Variants in PSMC1 observed in about 807,000 individuals in gnomAD.
PSMC1 encodes proteasome 26S subunit, ATPase 1, also known as 26S proteasome regulatory subunit 4.
In PSMC1, 5 loss-of-function variants were observed where a neutral mutation model predicts 49.8. The observed-to-expected ratio is 0.10, with a 90% CI of 0.05 to 0.21. PSMC1 has a LOEUF of 0.21. Ranked by LOEUF, PSMC1 falls within the 10% of genes least tolerant of loss-of-function variation. The probability of loss-of-function intolerance (pLI) is 1.00; values close to 1 mark genes in which losing one functional copy is unlikely to be tolerated. For synonymous variants in PSMC1, 155 were observed against 192.1 expected (o/e 0.81, Z 1.60); for missense variants, 181 against 535.7 (o/e 0.34, Z 6.54).
intron 7 of PSMC1, among the ~76,000 whole-genome samples, chr14:90,265,380 CCT>C (rs1197214188): frequency 2.0e-5 from 3 of 151,854 alleles, no homozygotes; most frequent in Admixed American, 1.3e-4. Context: ...TTGGTGAAAC[CCT>C]GTCTCTATAA....
intron 3 of PSMC1, 79 bp from the exon 4 acceptor site, chr14:90,263,239 A>T: frequency 4.9e-6 from 7 of 1,432,516 alleles, no homozygotes; most frequent in East Asian, 4.9e-5. Context: ...AAATGAGCGT[A>T]TTTTAAAATC....
Position 90,256,795 on chromosome 14 carries a change from G to A in PSMC1, c.3+195G>A, listed in dbSNP as rs1448390256. On this transcript the variant is annotated intron_variant, in intron 1 of 10. Coordinates refer to ENST00000261303, the MANE Select transcript of PSMC1 (RefSeq NM_002802.3). ...ACCGCGGGCCGGGGCCGACCAACGG[G>A]CCTTGCCCGGGGATCCTGGGGCCGG... Among the ~76,000 whole-genome samples, 11 of 152,214 alleles carry A rather than the reference G, an allele frequency of 7.2e-5. No homozygotes were observed. The East Asian group carries it at 2.1e-3, about 29-fold the overall frequency.
intron 7 of PSMC1, 55 bp from the exon 8 acceptor site, chr14:90,268,169 G>C: frequency 7.0e-7 from 1 of 1,427,924 alleles, no homozygotes; most frequent in Non-Finnish European, 9.3e-7. Flanking sequence ...GAGTTTTTAA[G>C]TTAAAATGGC....
At chr14:90,258,749 C>G (rs531058682) in intron 1 of PSMC1, among the ~76,000 whole-genome samples, 3 of 152,158 alleles carry the variant, frequency 2.0e-5, no homozygotes, top group Non-Finnish European at 4.4e-5. Context: ...TGTAAAATGA[C>G]GTAGCTTTCA....
At chr14:90,262,037 G>A (rs35401822) in intron 3 of PSMC1, among the ~76,000 whole-genome samples, 82,959 of 150,794 alleles carry the variant, frequency 0.55, 23,476 homozygotes, top group Middle Eastern at 0.72. Context: ...TTCTGAGCAA[G>A]CTATTGTAAG....
At position 90,268,333 on chromosome 14, in the gene PSMC1, A is replaced by G. The variant is rs1343954608; in HGVS notation, c.801A>G (p.Val267=). 1 of 1,613,580 alleles carries G rather than the reference A, an allele frequency of 6.2e-7. No homozygotes were observed. Among genetic ancestry groups the G allele is most frequent in the Admixed American group, 1.7e-5 (1 of 60,010 alleles). The change falls in exon 8 of 11, where the codon GTA becomes GTG. Residue 267 remains valine, a synonymous_variant. Coordinates refer to ENST00000261303, the MANE Select transcript of PSMC1 (RefSeq NM_002802.3). ...QKYLGDGPKL[V]RELFRVAEEH... ...ACCTAGGTGATGGGCCCAAACTCGT[A>G]CGGGAATTGTTCCGAGTTGCTGAAG...
Position 90,270,220 on chromosome 14 carries a change from G to A in PSMC1, c.1056G>A (p.Glu352=), listed in dbSNP as rs933216440. The A allele has an allele frequency of 1.4e-5, 22 of 1,613,600 alleles. No individual in the cohort carries two copies. Among genetic ancestry groups the A allele is most frequent in the East Asian group, 2.2e-5 (1 of 44,864 alleles). Residue 352 remains glutamate, a synonymous_variant, in exon 10 of 11, where the codon GAG becomes GAA. Transcript: ENST00000261303. The stretch of plus-strand genomic sequence containing the variant: ...CAGGCCGCATTGACAGGAAGATTGA[G>A]TTCCCCCTGCCTGATGAAAAGACGA... ...IRPGRIDRKI[E]FPLPDEKTKK...
In PSMC1 at chr14:90,274,608, T is replaced by G. The variant is rs112062746; in HGVS notation, c.*2201T>G. On this transcript the variant is annotated 3_prime_UTR_variant, in exon 11 of 11. Coordinates refer to ENST00000261303, the MANE Select transcript of PSMC1 (RefSeq NM_002802.3). ...GGGGCTAGGCAGGGAAAGGACAGGA[T>G]GAACCCAAAGTCTGTTTTGCCAGAA... is the stretch of plus-strand genomic sequence containing the variant. 6.8e-3 allele frequency: 1,033 copies of G among 152,252 alleles called. 11 individuals are homozygous for G. The highest frequency in any genetic ancestry group is 6.7e-3 in the Non-Finnish European group (454 of 68,094). The allele number at this position is 152,252 out of a possible 1,614,324, so 9.4% of individuals were successfully genotyped here.
chr14:90,264,990 A>G, intron 6 of PSMC1, 80 bp from the exon 7 acceptor site: 1 of 1,056,060 alleles, frequency 9.5e-7, no homozygotes, highest in Non-Finnish European at 1.4e-6. Context: ...TTTTGTTGAA[A>G]GCAAGATATT....
chr14:90,274,838 A>ACACACACACACACACACACCCC lies in PSMC1; in HGVS notation c.*2432_*2433insACACACACACACACACACCCCC, dbSNP rs1491397403. On this transcript the variant is annotated 3_prime_UTR_variant, in exon 11 of 11. Coordinates refer to ENST00000261303, the MANE Select transcript of PSMC1 (RefSeq NM_002802.3). ...CACACACACACACACACACACACAC[A>ACACACACACACACACACACCCC]CCCCAATACATATGAATTGATCTGA... 1 of 67,186 alleles carries ACACACACACACACACACACCCC rather than the reference A, an allele frequency of 1.5e-5. No individual in the cohort carries two copies. The highest frequency in any genetic ancestry group is 1.6e-4 in the Admixed American group (1 of 6,232). The allele number at this position is 67,186 out of a possible 1,614,324, so 4.2% of individuals were successfully genotyped here. A position where few individuals can be genotyped will look rare whatever the true frequency, so the allele number is the denominator to read the frequency against.
chr14:90,259,113 G>A (rs374530934), intron 1 of PSMC1, 47 bp from the exon 2 acceptor site: 5 of 1,582,078 alleles, frequency 3.2e-6, no homozygotes, highest in Non-Finnish European at 4.3e-6. Flanking sequence ...TTCTTTTGAA[G>A]TGATCATATT....
At chr14:90,263,631 TGC>T in intron 4 of PSMC1, 29 bp from the exon 5 acceptor site, 1 of 1,606,996 alleles carries the variant, frequency 6.2e-7, no homozygotes, top group Non-Finnish European at 8.5e-7. Flanking sequence ...AGGTCTAGTC[TGC>T]TTTTTTCCCT....
At chr14:90,262,578 AT>A (rs1191266231) in intron 3 of PSMC1, among the ~76,000 whole-genome samples, 6 of 152,118 alleles carry the variant, frequency 3.9e-5, no homozygotes, top group African/African-American at 1.2e-4. Flanking sequence ...AGGTCAGGAG[AT>A]TGGGACCATC....
At chr14:90,260,023 C>T (rs1387461164) in intron 2 of PSMC1, 92 bp from the exon 3 acceptor site, 2 of 748,490 alleles carry the variant, frequency 2.7e-6, no homozygotes, top group African/African-American at 1.8e-5. Flanking sequence ...AATTGTACCA[C>T]CTGAAAATAG....
intron 10 of PSMC1, chr14:90,271,333 A>C (rs2096689562): frequency 6.6e-6 from 1 of 152,106 alleles, no homozygotes; most frequent in African/African-American, 2.4e-5. Flanking sequence ...TAACCCACAT[A>C]ATATGTTTGT....
At chr14:90,257,959 T>C (rs1246146010) in intron 1 of PSMC1, among the ~76,000 whole-genome samples, 1 of 152,242 alleles carries the variant, frequency 6.6e-6, no homozygotes, top group Non-Finnish European at 1.5e-5. Context: ...CAGCATTTTC[T>C]CATTTATTAC....
At chr14:90,265,886 G>A (rs2139647590) in intron 7 of PSMC1, among the ~76,000 whole-genome samples, 1 of 151,816 alleles carries the variant, frequency 6.6e-6, no homozygotes, top group African/African-American at 2.4e-5. Flanking sequence ...ACTGATGCCT[G>A]ACCCTTCCTC....
At chr14:90,258,665 A>G (rs2032254270) in intron 1 of PSMC1, among the ~76,000 whole-genome samples, 1 of 152,220 alleles carries the variant, frequency 6.6e-6, no homozygotes, top group African/African-American at 2.4e-5. Context: ...ATAAGGTGCT[A>G]TTGGAAGGAA....
intron 1 of PSMC1, among the ~76,000 whole-genome samples, chr14:90,257,686 G>A (rs1184286082): frequency 1.3e-5 from 2 of 152,138 alleles, no homozygotes; most frequent in Non-Finnish European, 2.9e-5. Context: ...TCCGCCTCCC[G>A]GGTTCAAGCG....
Sources: gnomAD v4.1 joint callset for allele counts (sites outside exome capture counted in the v4.1 genomes callset) on GRCh38, gnomAD v4.1.1 for gene constraint, MANE v1.5 for transcripts, NCBI Gene and HGNC (gene_info 2026-07-23, HGNC 2026-07-21) for gene names.